Variants in TAS2R1 observed in about 807,000 individuals in gnomAD.
TAS2R1 encodes the protein taste receptor type 2 member 1.
For synonymous variants in TAS2R1, 141 were observed against 134.2 expected, an observed-to-expected ratio of 1.05 and a Z score of -0.35; for missense variants, 370 against 353.4, an observed-to-expected ratio of 1.05 and a Z score of -0.38.
At chr5:9,767,770 C>T in the TAS2R1 span, among the ~76,000 whole-genome samples, 1 of 151,966 alleles carries the variant, frequency 6.6e-6, no homozygotes, top group African/African-American at 2.4e-5. Flanking sequence ...ACTAAAACTA[C>T]AAAAACTGGC....
chr5:9,884,379 G>C, the TAS2R1 span, among the ~76,000 whole-genome samples: 28 of 151,460 alleles, frequency 1.8e-4, no homozygotes, highest in Non-Finnish European at 3.8e-4. Context: ...GAGGCTGAGG[G>C]AGGAGAATGG....
chr5:9,627,720 G>A lies in TAS2R1; in HGVS notation c.*1413C>T, dbSNP rs1739781642. 2.0e-5 allele frequency among the ~76,000 whole-genome samples: 3 copies of A among 152,220 alleles called. No individual in the cohort carries two copies. The highest frequency in any genetic ancestry group is 4.4e-5 in the Non-Finnish European group (3 of 68,044). Reference sequence around the variant, plus strand: ...AGCTGGCTTCCTGAGTGCGTGATTAGCTACAAACCTTCCTACCTAGTGGGA... The same window carrying A: ...AGCTGGCTTCCTGAGTGCGTGATTAACTACAAACCTTCCTACCTAGTGGGA... On this transcript the variant is annotated 3_prime_UTR_variant, in exon 1 of 1. Coordinates refer to ENST00000382492, the MANE Select transcript of TAS2R1 (RefSeq NM_019599.3).
intron 1 of TAS2R1, among the ~76,000 whole-genome samples, chr5:9,668,273 C>A (rs1371683354): frequency 6.6e-6 from 1 of 152,070 alleles, no homozygotes; most frequent in African/African-American, 2.4e-5. Flanking sequence ...ATGTAGAGAC[C>A]AAACCTAATT....
At chr5:9,798,497 T>C in the TAS2R1 span, among the ~76,000 whole-genome samples, 1 of 152,234 alleles carries the variant, frequency 6.6e-6, no homozygotes, top group Non-Finnish European at 1.5e-5. Context: ...GAAAAAATTA[T>C]ATTTATGTCC....
the TAS2R1 span, among the ~76,000 whole-genome samples, chr5:9,739,686 T>C: frequency 3.9e-5 from 6 of 152,206 alleles, no homozygotes; most frequent in Admixed American, 2.0e-4. Context: ...GATTCAAGCA[T>C]AAAGGTCATT....
At chr5:9,676,544 T>TATAC (rs1740879629) in intron 1 of TAS2R1, among the ~76,000 whole-genome samples, 1 of 152,092 alleles carries the variant, frequency 6.6e-6, no homozygotes, top group Non-Finnish European at 1.5e-5. Context: ...AAAAATTGGG[T>TATAC]ATACATACAT....
At chr5:9,812,548 A>T in the TAS2R1 span, among the ~76,000 whole-genome samples, 3 of 152,098 alleles carry the variant, frequency 2.0e-5, no homozygotes, top group Non-Finnish European at 2.9e-5. Context: ...GCCCAAAAAA[A>T]GTCAGTAGAG....
the TAS2R1 span, among the ~76,000 whole-genome samples, chr5:9,752,629 AT>A: frequency 1.3e-5 from 2 of 152,132 alleles, no homozygotes; most frequent in African/African-American, 4.8e-5. Context: ...TACATGTGCC[AT>A]GTTAGTGTGC....
the TAS2R1 span, among the ~76,000 whole-genome samples, chr5:9,891,379 G>C: frequency 7.0e-3 from 1,063 of 152,292 alleles, 13 homozygotes; most frequent in Middle Eastern, 0.01. Context: ...GCATGTAATA[G>C]ATGTACTATT....
chr5:9,803,999 C>T, the TAS2R1 span, among the ~76,000 whole-genome samples: 1 of 152,138 alleles, frequency 6.6e-6, no homozygotes, highest in Admixed American at 6.5e-5. Context: ...AAGAGACTCA[C>T]CTAACACATA....
At chr5:9,751,474 AAATCTG>A in the TAS2R1 span, among the ~76,000 whole-genome samples, 2 of 152,310 alleles carry the variant, frequency 1.3e-5, no homozygotes, top group South Asian at 2.1e-4. Flanking sequence ...AGAGGTATGT[AAATCTG>A]AATCTGTATT....
At chr5:9,751,274 C>T in the TAS2R1 span, among the ~76,000 whole-genome samples, 1 of 151,644 alleles carries the variant, frequency 6.6e-6, no homozygotes, top group Non-Finnish European at 1.5e-5. Flanking sequence ...CTATAACCCT[C>T]CCCCACCCCC....
chr5:9,814,693 A>G, the TAS2R1 span, among the ~76,000 whole-genome samples: 1 of 152,156 alleles, frequency 6.6e-6, no homozygotes, highest in Non-Finnish European at 1.5e-5. Flanking sequence ...TTACTTGCCT[A>G]ATTTTGGTGA....
chr5:9,711,748 T>C (rs1460116355), intron 1 of TAS2R1, among the ~76,000 whole-genome samples: 1 of 152,142 alleles, frequency 6.6e-6, no homozygotes, highest in Non-Finnish European at 1.5e-5. Flanking sequence ...CTGCAAACTC[T>C]ACCTCCCAGG....
At chr5:9,691,024 A>T (rs116293427) in intron 1 of TAS2R1, among the ~76,000 whole-genome samples, 1 of 152,204 alleles carries the variant, frequency 6.6e-6, no homozygotes, top group Admixed American at 6.5e-5. Flanking sequence ...CTGCACTGTC[A>T]TGGGTTGGAT....
the TAS2R1 span, among the ~76,000 whole-genome samples, chr5:9,844,076 G>T: frequency 5.9e-5 from 9 of 152,094 alleles, no homozygotes; most frequent in African/African-American, 2.2e-4. Context: ...TATTATCATT[G>T]GGAATGACAT....
the TAS2R1 span, among the ~76,000 whole-genome samples, chr5:9,752,826 G>A: frequency 6.6e-6 from 1 of 150,928 alleles, no homozygotes; most frequent in East Asian, 2.0e-4. Context: ...GTGATAGTTT[G>A]CTGAGACTGA....
At chr5:9,903,566 C>G in the TAS2R1 span, 1 of 152,008 alleles carries the variant, frequency 6.6e-6, no homozygotes, top group Admixed American at 6.6e-5. Context: ...TGAGTGAGAA[C>G]AGATGATGTT....
chr5:9,734,238 A>G, the TAS2R1 span, among the ~76,000 whole-genome samples: 1 of 152,240 alleles, frequency 6.6e-6, no homozygotes, highest in Non-Finnish European at 1.5e-5. Flanking sequence ...CAGACTTCAC[A>G]GCCTCCAGAA....
Sources: allele counts gnomAD v4.1 joint callset (sites outside exome capture counted in the v4.1 genomes callset), GRCh38; gene constraint gnomAD v4.1.1; transcripts MANE v1.5; gene names NCBI Gene and HGNC (gene_info 2026-07-23, HGNC 2026-07-21).